The following ABI3BP variants were observed in gnomAD, a reference collection of about 807,000 sequenced individuals.
The protein encoded by ABI3BP is ABI family member 3 binding protein.
In ABI3BP, 216 loss-of-function variants were observed where a neutral mutation model predicts 268.6. The observed-to-expected ratio is 0.80, with a 90% CI of 0.72 to 0.90. ABI3BP has a LOEUF of 0.90. Among genes scored for constraint, ABI3BP ranks in the 40% least tolerant of loss-of-function variants. The pLI, the probability that ABI3BP is intolerant of heterozygous loss-of-function variation, is 0.00. For synonymous variants in ABI3BP, 730 were observed against 730.0 expected (o/e 1.00, Z 0.00); for missense variants, 2,090 against 2,182.4 (o/e 0.96, Z 0.84).
intron 1 of ABI3BP, among the ~76,000 whole-genome samples, chr3:100,964,068 C>T (rs755209592): frequency 1.6e-4 from 24 of 152,084 alleles, no homozygotes; most frequent in Non-Finnish European, 2.9e-4. Context: ...TGGGAGTCCT[C>T]GGTAAGACTT....
At position 100,756,778 on chromosome 3, in the gene ABI3BP, T is replaced by G. The variant is rs1345387242; in HGVS notation, c.4851-2087A>C. On this transcript the variant is annotated intron_variant, in intron 63 of 67. Transcript: ENST00000471714. ...CACATATACAAGCTACTTTTTGGGT[T>G]TTTTTTTTTTTTTTTGGCCAATATT... 2.3e-4 allele frequency among the ~76,000 whole-genome samples: 17 copies of G among 73,340 alleles called. No homozygotes were observed. The Admixed American group carries it at 2.6e-3, about 11-fold the overall frequency. The allele number at this position is 73,340 out of a possible 152,430, so 48.1% of individuals were successfully genotyped here.
Position 100,750,342 on chromosome 3 carries a change from C to A in ABI3BP, c.*153G>T. On this transcript the variant is annotated 3_prime_UTR_variant, in exon 68 of 68. Transcript: ENST00000471714. ...TGTAAAACCTGATAAATACTCTCAG[C>A]AATCTTTTCTAATAATAAACATCTA... is the stretch of plus-strand genomic sequence containing the variant. 1 of 532,696 alleles carries A rather than the reference C, an allele frequency of 1.9e-6. No individual in the cohort carries two copies. Among genetic ancestry groups the A allele is most frequent in the African/African-American group, 2.0e-5 (1 of 50,860 alleles). The allele number at this position is 532,696 out of a possible 1,614,324, so 33.0% of individuals were successfully genotyped here.
intron 62 of ABI3BP, 137 bp downstream of exon 62, chr3:100,770,606 T>G: frequency 2.9e-6 from 2 of 692,618 alleles, no homozygotes; most frequent in Non-Finnish European, 4.3e-6. Flanking sequence ...TAATGTGCCT[T>G]AAAGGCAGCA....
chr3:100,848,691 T>A, intron 18 of ABI3BP, 110 bp downstream of exon 18: 3 of 1,040,562 alleles, frequency 2.9e-6, no homozygotes, highest in Non-Finnish European at 2.9e-6. Context: ...CCTCCCAAAG[T>A]GCTGGAGTTG....
In ABI3BP at chr3:100,979,047, G is replaced by A. The variant is rs77895266; in HGVS notation, c.79+14259C>T. On this transcript the variant is annotated intron_variant, in intron 1 of 67. Transcript: ENST00000471714. ...TTGCTAGTATCATCTGGGAACTTGT[G>A]AGAAACGCAAATTATTCAAACCATC... 2.3e-3 allele frequency among the ~76,000 whole-genome samples: 354 copies of A among 152,294 alleles called. 1 individual carries two copies. Among genetic ancestry groups the A allele is most frequent in the African/African-American group, 8.0e-3 (331 of 41,552 alleles).
chr3:100,900,590 G>T (rs1430940570), intron 3 of ABI3BP, among the ~76,000 whole-genome samples: 2 of 152,050 alleles, frequency 1.3e-5, no homozygotes, highest in African/African-American at 4.8e-5. Context: ...ATGACCAAGG[G>T]AAACTAATGG....
intron 4 of ABI3BP, among the ~76,000 whole-genome samples, chr3:100,896,674 G>C (rs146706881): frequency 2.6e-5 from 4 of 152,072 alleles, no homozygotes; most frequent in African/African-American, 7.2e-5. Context: ...AAAAGAAAAA[G>C]AGCAATCCAT....
Position 100,753,818 on chromosome 3 carries a change from C to G in ABI3BP, c.4960+1G>C, listed in dbSNP as rs761830093. 2 of 1,611,080 alleles carry G rather than the reference C, an allele frequency of 1.2e-6. No homozygotes were observed. The highest frequency in any genetic ancestry group is 2.2e-5 in the South Asian group (2 of 90,128). On this transcript the variant is annotated splice_donor_variant, in intron 65 of 67. Coordinates refer to ENST00000471714, the MANE Select transcript of ABI3BP (RefSeq NM_001375547.2). LOFTEE classifies it high-confidence loss of function. ...TGTGCCTCATTGAGACAGGTACTTA[C>G]CAGAAACTGGCTCACTCACTCTTGG...
intron 1 of ABI3BP, among the ~76,000 whole-genome samples, chr3:100,943,240 C>T (rs760038765): frequency 4.6e-5 from 7 of 152,188 alleles, no homozygotes; most frequent in Non-Finnish European, 8.8e-5. Context: ...TCCTGTCTTA[C>T]TCATTTATCA....
intron 19 of ABI3BP, 45 bp downstream of exon 19, chr3:100,847,557 T>A (rs1192520861): frequency 1.3e-6 from 2 of 1,503,406 alleles, no homozygotes; most frequent in Non-Finnish European, 1.9e-6. Flanking sequence ...GGATTTTCCA[T>A]GGTGAAATGA....
At chr3:100,852,843 A>G (rs1298290462) in intron 14 of ABI3BP, among the ~76,000 whole-genome samples, 1 of 152,216 alleles carries the variant, frequency 6.6e-6, no homozygotes, top group Non-Finnish European at 1.5e-5. Context: ...TCATGTTCAC[A>G]TAAGAGTTGA....
chr3:100,784,783 G>A (rs1415313498), intron 57 of ABI3BP, among the ~76,000 whole-genome samples: 2 of 152,058 alleles, frequency 1.3e-5, no homozygotes, highest in Non-Finnish European at 2.9e-5. Flanking sequence ...ACTCAGGAGT[G>A]GAAAACCAAA....
At chr3:100,859,386 TTA>T (rs774063529) in intron 14 of ABI3BP, among the ~76,000 whole-genome samples, 3 of 152,126 alleles carry the variant, frequency 2.0e-5, no homozygotes, top group Non-Finnish European at 4.4e-5. Flanking sequence ...CCAACCTATA[TTA>T]TGTTTCTTTA....
intron 34 of ABI3BP, among the ~76,000 whole-genome samples, chr3:100,826,539 G>T (rs1285086820): frequency 6.6e-6 from 1 of 152,114 alleles, no homozygotes; most frequent in African/African-American, 2.4e-5. Flanking sequence ...TAATTCTCAA[G>T]AAGCACGTGA....
intron 1 of ABI3BP, among the ~76,000 whole-genome samples, chr3:100,973,897 T>C (rs1460677877): frequency 6.6e-6 from 1 of 152,172 alleles, no homozygotes; most frequent in African/African-American, 2.4e-5. Flanking sequence ...TATTATCTCA[T>C]CTGATAAGAA....
At position 100,833,171 on chromosome 3, in the gene ABI3BP, T is replaced by C. The variant is rs1218073445; in HGVS notation, c.2282-14A>G. 2.0e-6 allele frequency: 3 copies of C among 1,532,462 alleles called. No homozygotes were observed. The African/African-American group carries it at 4.1e-5, about 21-fold the overall frequency. The allele number at this position is 1,532,462 out of a possible 1,614,324, so 94.9% of individuals were successfully genotyped here. A position where few individuals can be genotyped will look rare whatever the true frequency, so the allele number is the denominator to read the frequency against. The stretch of plus-strand genomic sequence containing the variant: ...TAGGTCCAAAGTCTGTAGCAAGAAA[T>C]GATCAAAAGCAATTTTAAAAAGAAA... On this transcript the variant is annotated splice_polypyrimidine_tract_variant and intron_variant, in intron 29 of 67. Transcript: ENST00000471714.
intron 50 of ABI3BP, among the ~76,000 whole-genome samples, chr3:100,806,110 A>G (rs980899700): frequency 6.6e-6 from 1 of 152,090 alleles, no homozygotes. Flanking sequence ...TTTAGATCCC[A>G]TTTTGCCTTT....
intron 1 of ABI3BP, among the ~76,000 whole-genome samples, chr3:100,927,838 C>T (rs2062311630): frequency 6.6e-6 from 1 of 152,038 alleles, no homozygotes; most frequent in Non-Finnish European, 1.5e-5. Flanking sequence ...GTAAATGGCA[C>T]AACCTTAAAC....
intron 19 of ABI3BP, among the ~76,000 whole-genome samples, chr3:100,846,984 G>A (rs1236056053): frequency 6.6e-6 from 1 of 152,090 alleles, no homozygotes; most frequent in African/African-American, 2.4e-5. Context: ...AACTAAAAAG[G>A]AAAAATCTAA....
Sources: gnomAD v4.1 joint callset for allele counts (sites outside exome capture counted in the v4.1 genomes callset) on GRCh38, gnomAD v4.1.1 for gene constraint, MANE v1.5 for transcripts, NCBI Gene and HGNC (gene_info 2026-07-23, HGNC 2026-07-21) for gene names.